TENM3: variants seen among roughly 807,000 people sequenced by gnomAD.
The protein encoded by TENM3 is teneurin transmembrane protein 3, also known as teneurin-3.
In TENM3, 63 loss-of-function variants were observed where a neutral mutation model predicts 255.1. The ratio of observed to expected loss-of-function variants is 0.25; its 90% confidence interval spans 0.20 to 0.30. The LOEUF is 0.30. Among genes scored for constraint, TENM3 ranks in the 10% least tolerant of loss-of-function variants. TENM3 has a pLI of 1.00. For synonymous variants in TENM3, 1,306 were observed against 1,322.3 expected (o/e 0.99, Z 0.27); for missense variants, 2,929 against 3,461.1 (o/e 0.85, Z 3.86).
chr4:182,453,054 A>G lies in TENM3; in HGVS notation c.511+106125A>G, dbSNP rs150089151. ...TATATATATATATATGCATACATAT[A>G]TAGCAGGTTTGAAAGGATGGTATTT... On this transcript the variant is annotated intron_variant, in intron 3 of 27. Transcript: ENST00000511685. Among the ~76,000 whole-genome samples the G allele has an allele frequency of 8.0e-3, 1,214 of 152,232 alleles. 8 individuals are homozygous for G. The highest frequency in any genetic ancestry group is 0.027 in the African/African-American group (1,135 of 41,542).
In TENM3 at chr4:182,801,756, C is replaced by T. The variant is rs1308504548; in HGVS notation, c.*1405C>T. On this transcript the variant is annotated 3_prime_UTR_variant, in exon 28 of 28. Coordinates refer to ENST00000511685, the MANE Select transcript of TENM3 (RefSeq NM_001080477.4). Reference sequence around the variant, plus strand: ...TTGGGGGGCTGGTTTGAATGACAGCCTCTGCTCTGTCTCGGGGAAGCCGGG... The same window carrying T: ...TTGGGGGGCTGGTTTGAATGACAGCTTCTGCTCTGTCTCGGGGAAGCCGGG... 2.0e-5 allele frequency: 3 copies of T among 152,378 alleles called. No homozygotes were observed. In the East Asian group the frequency reaches 5.8e-4, roughly 29 times the overall value. The allele number at this position is 152,378 out of a possible 1,614,324, so 9.4% of individuals were successfully genotyped here.
chr4:182,774,847 T>C, intron 23 of TENM3, 71 bp from the exon 24 acceptor site: 1 of 1,111,896 alleles, frequency 9.0e-7, no homozygotes, highest in Admixed American at 2.1e-5. Flanking sequence ...TTAGAACCTA[T>C]CTCACGGCAC....
the TENM3 span, among the ~76,000 whole-genome samples, chr4:181,486,401 T>C: frequency 6.6e-6 from 1 of 152,222 alleles, no homozygotes; most frequent in African/African-American, 2.4e-5. Flanking sequence ...CCATAGCATG[T>C]TGATGCACTT....
chr4:182,794,049 TCA>T (rs1766310537), intron 26 of TENM3, among the ~76,000 whole-genome samples, 164 bp downstream of exon 26: 1 of 152,140 alleles, frequency 6.6e-6, no homozygotes, highest in Admixed American at 6.5e-5. Context: ...CATAGAGAAA[TCA>T]CAAAGGGAAA....
At chr4:182,535,746 A>G (rs536852197) in intron 3 of TENM3, among the ~76,000 whole-genome samples, 74 of 152,140 alleles carry the variant, frequency 4.9e-4, no homozygotes, top group African/African-American at 1.7e-3. Context: ...TGTCAAAAAA[A>G]AAAAAAACAC....
At position 182,747,183 on chromosome 4, in the gene TENM3, TA is replaced by T. The variant is rs532406162; in HGVS notation, c.3629+3766del. 1.1e-4 allele frequency among the ~76,000 whole-genome samples: 17 copies of T among 152,328 alleles called. No homozygotes were observed. The East Asian group carries it at 2.9e-3, about 26-fold the overall frequency. ...CAAAAGGAATGGTATTGCCAGTTGTTAATGATTAAAATATAAAAATGCAAAC... is the reference window on the plus strand; with the variant it reads ...CAAAAGGAATGGTATTGCCAGTTGTTATGATTAAAATATAAAAATGCAAAC... On this transcript the variant is annotated intron_variant, in intron 19 of 27. Coordinates refer to ENST00000511685, the MANE Select transcript of TENM3 (RefSeq NM_001080477.4).
At chr4:181,874,189 G>T in the TENM3 span, among the ~76,000 whole-genome samples, 9 of 152,198 alleles carry the variant, frequency 5.9e-5, no homozygotes, top group African/African-American at 2.2e-4. Flanking sequence ...AAACTGCTGA[G>T]ATTACAGGCG....
chr4:182,423,712 C>T (rs1771005322), intron 3 of TENM3, among the ~76,000 whole-genome samples: 1 of 152,072 alleles, frequency 6.6e-6, no homozygotes, highest in African/African-American at 2.4e-5. Flanking sequence ...TCAACCATAA[C>T]AATAATATGT....
intron 1 of TENM3, among the ~76,000 whole-genome samples, chr4:182,149,766 C>A (rs552351825): frequency 7.5e-4 from 114 of 152,104 alleles, no homozygotes; most frequent in African/African-American, 2.2e-3. Context: ...TAACACTAAA[C>A]TATGCTTATA....
At chr4:181,582,669 C>CCAAAAAAAAAAAAAAAGAAAAAAAAAA in the TENM3 span, among the ~76,000 whole-genome samples, 1 of 124,756 alleles carries the variant, frequency 8.0e-6, no homozygotes, top group Non-Finnish European at 1.6e-5. Context: ...CAAAACAAAT[C>CCAAAAAAAAAAAAAAAGAAAAAAAAAA]AAAAAAAAAA....
chr4:182,053,048 G>A, the TENM3 span, among the ~76,000 whole-genome samples: 1 of 152,184 alleles, frequency 6.6e-6, no homozygotes. Flanking sequence ...GAAACTTCTG[G>A]TTTCAAATTG....
At chr4:182,697,114 G>A (rs2152623614) in intron 12 of TENM3, among the ~76,000 whole-genome samples, 1 of 152,266 alleles carries the variant, frequency 6.6e-6, no homozygotes, top group Admixed American at 6.5e-5. Flanking sequence ...CCCTATAGAT[G>A]TTTCTTGTTG....
At chr4:181,831,230 G>A in the TENM3 span, among the ~76,000 whole-genome samples, 1 of 151,828 alleles carries the variant, frequency 6.6e-6, no homozygotes, top group Admixed American at 6.6e-5. Context: ...ATCAAATTTT[G>A]TACTTTTTGG....
intron 4 of TENM3, among the ~76,000 whole-genome samples, chr4:182,627,464 A>G (rs926827967): frequency 6.6e-6 from 1 of 152,200 alleles, no homozygotes; most frequent in African/African-American, 2.4e-5. Flanking sequence ...TACAATAAGT[A>G]TATGAGTATT....
intron 1 of TENM3, among the ~76,000 whole-genome samples, chr4:182,309,834 C>T (rs1024258653): frequency 2.0e-5 from 3 of 152,176 alleles, no homozygotes; most frequent in South Asian, 4.1e-4. Context: ...ACATGATTCT[C>T]GGACACCGGG....
the TENM3 span, among the ~76,000 whole-genome samples, chr4:181,978,128 T>C: frequency 6.6e-6 from 1 of 152,184 alleles, no homozygotes; most frequent in Non-Finnish European, 1.5e-5. Context: ...GAATGAATCA[T>C]TTTAAAGTAG....
chr4:182,067,131 G>T, the TENM3 span, among the ~76,000 whole-genome samples: 2 of 152,194 alleles, frequency 1.3e-5, no homozygotes, highest in South Asian at 4.2e-4. Flanking sequence ...CTGCCCTTAG[G>T]ATCTGAACAG....
intron 3 of TENM3, among the ~76,000 whole-genome samples, chr4:182,509,653 AT>A (rs1259912261): frequency 3.3e-5 from 5 of 152,166 alleles, no homozygotes; most frequent in African/African-American, 1.2e-4. Flanking sequence ...AAAGTAAAAA[AT>A]GGGTCAGACG....
chr4:182,484,931 C>T (rs1734554215), intron 3 of TENM3, among the ~76,000 whole-genome samples: 2 of 152,072 alleles, frequency 1.3e-5, no homozygotes, highest in African/African-American at 4.8e-5. Context: ...CACAGATACT[C>T]CGTGTTTTAA....
Sources: allele counts gnomAD v4.1 joint callset (sites outside exome capture counted in the v4.1 genomes callset), GRCh38; gene constraint gnomAD v4.1.1; transcripts MANE v1.5; gene names NCBI Gene and HGNC (gene_info 2026-07-23, HGNC 2026-07-21).